XKR9: variants seen among roughly 807,000 people sequenced by gnomAD.
XKR9 encodes XK-related protein 9.
XKR9 carries 32 observed loss-of-function variants against 32.0 expected under a neutral mutation model. That is an observed-to-expected ratio of 1.00 (90% CI 0.76 to 1.34). XKR9 has a LOEUF of 1.34. XKR9 is among the 40% of genes most tolerant of loss of function. The probability of loss-of-function intolerance (pLI) is 0.00; values close to 1 mark genes in which losing one functional copy is unlikely to be tolerated. For missense variants in XKR9, 546 were observed against 429.7 expected (o/e 1.27, Z -2.39); for synonymous variants, 168 against 143.4 (o/e 1.17, Z -1.22).
At chr8:70,756,995 T>C (rs1467107547) in intron 2 of XKR9, among the ~76,000 whole-genome samples, 1 of 152,218 alleles carries the variant, frequency 6.6e-6, no homozygotes, top group Admixed American at 6.5e-5. Flanking sequence ...AGATGCTCTT[T>C]ATTAGGTTGA....
the XKR9 span, among the ~76,000 whole-genome samples, chr8:71,030,120 G>T: frequency 6.6e-6 from 1 of 152,028 alleles, no homozygotes; most frequent in Non-Finnish European, 1.5e-5. Flanking sequence ...TATTTGTTCT[G>T]CAGACTTAAA....
chr8:70,769,670 C>G (rs914125373), intron 2 of XKR9, among the ~76,000 whole-genome samples: 1 of 151,600 alleles, frequency 6.6e-6, no homozygotes, highest in African/African-American at 2.4e-5. Context: ...TTGTCTTCAT[C>G]CTTTATTTCA....
At chr8:70,920,128 T>C in the XKR9 span, among the ~76,000 whole-genome samples, 1 of 152,082 alleles carries the variant, frequency 6.6e-6, no homozygotes, top group Non-Finnish European at 1.5e-5. Context: ...AGAGAATCAA[T>C]ATAAGATTAT....
chr8:70,981,238 T>C, the XKR9 span, among the ~76,000 whole-genome samples: 80,565 of 152,030 alleles, frequency 0.53, 22,325 homozygotes, highest in Middle Eastern at 0.61. Flanking sequence ...TATATTTTCC[T>C]GACTTTTAGA....
chr8:71,051,968 CA>C, the XKR9 span, among the ~76,000 whole-genome samples: 3 of 152,178 alleles, frequency 2.0e-5, no homozygotes, highest in African/African-American at 4.8e-5. Flanking sequence ...GAGACAGTGG[CA>C]AAGCCTTTCA....
At chr8:70,943,893 A>G in the XKR9 span, among the ~76,000 whole-genome samples, 2 of 152,180 alleles carry the variant, frequency 1.3e-5, no homozygotes, top group Admixed American at 6.5e-5. Flanking sequence ...ACTAGGAAAA[A>G]TATTTTTAGT....
the XKR9 span, among the ~76,000 whole-genome samples, chr8:71,055,187 GA>G: frequency 6.6e-6 from 1 of 152,320 alleles, no homozygotes; most frequent in Admixed American, 6.5e-5. Context: ...TTATTTATGT[GA>G]AATACTTATA....
intron 2 of XKR9, among the ~76,000 whole-genome samples, chr8:70,756,150 G>C (rs561793615): frequency 6.6e-6 from 1 of 152,154 alleles, no homozygotes; most frequent in African/African-American, 2.4e-5. Context: ...ACTAGTCTTG[G>C]CACCCTTATT....
the XKR9 span, among the ~76,000 whole-genome samples, chr8:70,936,562 T>C: frequency 1.3e-5 from 2 of 152,132 alleles, no homozygotes; most frequent in Non-Finnish European, 2.9e-5. Context: ...TGTAATTGTC[T>C]ACCTGTGTGT....
At chr8:70,742,147 A>G (rs1563464137) in intron 2 of XKR9, among the ~76,000 whole-genome samples, 1 of 152,220 alleles carries the variant, frequency 6.6e-6, no homozygotes, top group Admixed American at 6.5e-5. Context: ...CATCCAGAGT[A>G]TATAAATAAC....
the XKR9 span, among the ~76,000 whole-genome samples, chr8:70,952,513 G>C: frequency 3.3e-5 from 5 of 152,180 alleles, no homozygotes; most frequent in Non-Finnish European, 7.3e-5. Context: ...TTTGTCAAGT[G>C]GCTTTCTTGT....
At chr8:70,993,613 CCTTCCTTCCTTCCT>C in the XKR9 span, among the ~76,000 whole-genome samples, 1 of 61,662 alleles carries the variant, frequency 1.6e-5, no homozygotes, top group Admixed American at 2.7e-4. Flanking sequence ...TTCCTTCCTT[CCTTCCTTCCTTCCT>C]TCCTTCCTTC....
intron 2 of XKR9, among the ~76,000 whole-genome samples, chr8:70,775,037 G>C (rs1205550447): frequency 1.3e-5 from 2 of 151,910 alleles, no homozygotes; most frequent in African/African-American, 4.8e-5. Flanking sequence ...ATAATTTTCA[G>C]TGTACATATT....
chr8:70,759,232 G>C (rs1807271905), intron 2 of XKR9, among the ~76,000 whole-genome samples: 1 of 152,126 alleles, frequency 6.6e-6, no homozygotes, highest in African/African-American at 2.4e-5. Context: ...TTTAATCATG[G>C]AATTTTTTAA....
In XKR9 at chr8:70,689,443, A is replaced by AAT. The variant is rs34348878; in HGVS notation, c.272+8128_272+8129dup. 3.8e-3 allele frequency among the ~76,000 whole-genome samples: 553 copies of AAT among 146,626 alleles called. 6 individuals carry two copies. Among genetic ancestry groups the AAT allele is most frequent in the African/African-American group, 0.012 (495 of 40,396 alleles). On this transcript the variant is annotated intron_variant, in intron 3 of 4. Coordinates refer to ENST00000408926, the MANE Select transcript of XKR9 (RefSeq NM_001011720.2). ...TGGAAAGTAGCTTGACCATATTGCA[A>AAT]ATATATATATATATATGTATTTTAT...
the XKR9 span, among the ~76,000 whole-genome samples, chr8:70,899,599 C>T: frequency 1.3e-5 from 2 of 152,102 alleles, no homozygotes; most frequent in East Asian, 1.9e-4. Flanking sequence ...CACTTTGGCT[C>T]CTATTGATTT....
At chr8:70,894,730 G>A in the XKR9 span, among the ~76,000 whole-genome samples, 1 of 152,190 alleles carries the variant, frequency 6.6e-6, no homozygotes, top group Admixed American at 6.5e-5. Context: ...GCTGCTCTGT[G>A]TGGCTAAGGT....
chr8:70,795,223 A>G (rs1470827220), downstream of XKR9, among the ~76,000 whole-genome samples: 1 of 152,146 alleles, frequency 6.6e-6, no homozygotes, highest in Non-Finnish European at 1.5e-5. Flanking sequence ...AAGTGAGAAC[A>G]TACGATATTT....
In XKR9 at chr8:70,778,727, A is replaced by C. The variant is rs565186721; in HGVS notation, n.353-10612A>C. ...TTGTAGTAATTGTGAATGGGAGTTC[A>C]CTCATGATTTGGGTCTCTGTTTGTC... On this transcript the variant is annotated intron_variant and non_coding_transcript_variant, in intron 2 of 3. Coordinates refer to the XKR9 transcript ENST00000520273. Among the ~76,000 whole-genome samples the C allele has an allele frequency of 2.0e-5, 3 of 152,084 alleles. No individual in the cohort carries two copies. The South Asian group carries it at 6.3e-4, about 32-fold the overall frequency.
Sources: allele counts gnomAD v4.1 joint callset (sites outside exome capture counted in the v4.1 genomes callset), GRCh38; gene constraint gnomAD v4.1.1; transcripts MANE v1.5; gene names NCBI Gene and HGNC (gene_info 2026-07-23, HGNC 2026-07-21).